GPC5: variants seen among roughly 807,000 people sequenced by gnomAD.
GPC5 encodes glypican-5.
In GPC5, 47 loss-of-function variants were observed where a neutral mutation model predicts 53.9. The observed-to-expected ratio is 0.87, with a 90% CI of 0.69 to 1.11. The LOEUF (loss-of-function observed/expected upper bound fraction) is 1.11, where lower values mean the gene tolerates loss of function less well. Among genes scored for constraint, GPC5 ranks in the 50% most tolerant of loss-of-function variants. The pLI, the probability that GPC5 is intolerant of heterozygous loss-of-function variation, is 0.00. For missense variants in GPC5, 748 were observed against 713.1 expected (o/e 1.05, Z -0.56); for synonymous variants, 286 against 263.3 (o/e 1.09, Z -0.84).
At chr13:91,836,067 T>C (rs1294535166) in intron 5 of GPC5, among the ~76,000 whole-genome samples, 1 of 151,958 alleles carries the variant, frequency 6.6e-6, no homozygotes, top group Non-Finnish European at 1.5e-5. Flanking sequence ...TGTGATGGTG[T>C]GGGGGAATGA....
intron 5 of GPC5, among the ~76,000 whole-genome samples, chr13:91,799,539 A>G (rs1246615377): frequency 3.4e-5 from 5 of 148,048 alleles, no homozygotes; most frequent in Non-Finnish European, 4.4e-5. Context: ...TTACCTCTCA[A>G]TGCATATGAT....
intron 2 of GPC5, among the ~76,000 whole-genome samples, chr13:91,568,413 T>G (rs933116231): frequency 1.3e-5 from 2 of 152,188 alleles, no homozygotes; most frequent in African/African-American, 4.8e-5. Context: ...CTTCAGTAGA[T>G]CAGCAGTTGC....
At chr13:92,864,784 AAT>A (rs749870115) in intron 7 of GPC5, among the ~76,000 whole-genome samples, 4 of 152,278 alleles carry the variant, frequency 2.6e-5, no homozygotes, top group East Asian at 3.9e-4. Context: ...CTGTAAAATC[AAT>A]ATGTCAGATC....
intron 7 of GPC5, chr13:92,721,462 T>C (rs555922116): frequency 2.6e-5 from 4 of 152,208 alleles, no homozygotes; most frequent in African/African-American, 4.8e-5. Flanking sequence ...ATGATCATTA[T>C]TGCAGGCTAA....
intron 2 of GPC5, among the ~76,000 whole-genome samples, chr13:91,596,584 G>C (rs372884558): frequency 6.6e-6 from 1 of 152,044 alleles, no homozygotes; most frequent in African/African-American, 2.4e-5. Flanking sequence ...AGGGTGCTGG[G>C]TTATTTTATA....
chr13:91,766,765 C>A (rs180724676), intron 5 of GPC5, among the ~76,000 whole-genome samples: 7 of 152,070 alleles, frequency 4.6e-5, no homozygotes, highest in Non-Finnish European at 8.8e-5. Flanking sequence ...GTGGCTGAGG[C>A]AGGAAAATTG....
chr13:92,323,983 G>T (rs954408861), intron 7 of GPC5, among the ~76,000 whole-genome samples: 2 of 151,814 alleles, frequency 1.3e-5, no homozygotes, highest in South Asian at 4.1e-4. Flanking sequence ...TGTATTGTGT[G>T]TTCTATGTTG....
chr13:92,026,242 A>G (rs1408909044), intron 6 of GPC5, among the ~76,000 whole-genome samples: 4 of 152,072 alleles, frequency 2.6e-5, no homozygotes, highest in African/African-American at 7.2e-5. Flanking sequence ...TATGCAAATT[A>G]TTAATAATGT....
chr13:92,217,927 T>G lies in GPC5; in HGVS notation c.1561+72938T>G, dbSNP rs2042422688. Among the ~76,000 whole-genome samples, 4 of 145,192 alleles carry G rather than the reference T, an allele frequency of 2.8e-5. No individual in the cohort carries two copies. In the South Asian group the frequency reaches 8.9e-4, roughly 32 times the overall value. On this transcript the variant is annotated intron_variant, in intron 7 of 7. Transcript: ENST00000377067. ...TTATTTCTACTTTTTTTTTTTTTTT[T>G]TTTTTTTTTAGGCAGGGTCACACTC... is the stretch of plus-strand genomic sequence containing the variant.
intron 2 of GPC5, among the ~76,000 whole-genome samples, chr13:91,519,238 C>T (rs1885673343): frequency 6.6e-6 from 1 of 152,176 alleles, no homozygotes; most frequent in Non-Finnish European, 1.5e-5. Flanking sequence ...GTTATCCCTG[C>T]ACCAGTGGGA....
intron 3 of GPC5, among the ~76,000 whole-genome samples, chr13:91,718,981 G>A (rs1167666079): frequency 1.3e-5 from 2 of 152,026 alleles, no homozygotes; most frequent in Non-Finnish European, 1.5e-5. Flanking sequence ...AGAAATTAGA[G>A]GGCAAAATGT....
In GPC5 at chr13:91,516,995, G is replaced by A. The variant is rs563442456; in HGVS notation, c.325+68073G>A. On this transcript the variant is annotated intron_variant, in intron 2 of 7. Coordinates refer to ENST00000377067, the MANE Select transcript of GPC5 (RefSeq NM_004466.6). Reference sequence around the variant, plus strand: ...TAAGTCTCTAGGCTGCACACAACATGGGGACCCTGGATCTGGCCCATGAAA... The same window carrying A: ...TAAGTCTCTAGGCTGCACACAACATAGGGACCCTGGATCTGGCCCATGAAA... 3.2e-4 allele frequency among the ~76,000 whole-genome samples: 48 copies of A among 152,234 alleles called. No homozygotes were observed. In the South Asian group the frequency reaches 9.8e-3, roughly 31 times the overall value.
intron 6 of GPC5, among the ~76,000 whole-genome samples, chr13:91,943,349 CT>C (rs879770113): frequency 0.024 from 3,472 of 145,066 alleles, 106 homozygotes; most frequent in African/African-American, 0.077. Context: ...TTCACTGAAG[CT>C]TTTTTTTTTT....
At chr13:92,795,763 G>C (rs1876653331) in intron 7 of GPC5, among the ~76,000 whole-genome samples, 1 of 152,140 alleles carries the variant, frequency 6.6e-6, no homozygotes, top group African/African-American at 2.4e-5. Context: ...ATGAAAAAAT[G>C]CTCATCATCA....
chr13:91,432,205 G>GCTGCTGC (rs140790450), intron 1 of GPC5, among the ~76,000 whole-genome samples: 3 of 119,558 alleles, frequency 2.5e-5, no homozygotes, highest in Admixed American at 8.5e-5. Flanking sequence ...TGCTGCTGCT[G>GCTGCTGC]TGTGTGTGTG....
At chr13:92,103,705 G>A (rs1388232542) in intron 6 of GPC5, among the ~76,000 whole-genome samples, 1 of 152,134 alleles carries the variant, frequency 6.6e-6, no homozygotes, top group Non-Finnish European at 1.5e-5. Context: ...AACTCTCTCG[G>A]CATTTAGCAA....
intron 6 of GPC5, among the ~76,000 whole-genome samples, chr13:91,965,551 A>G (rs75925615): frequency 0.019 from 2,829 of 152,272 alleles, 88 homozygotes; most frequent in African/African-American, 0.065. Context: ...AGATTCATTT[A>G]AAGAAGAAAA....
At chr13:92,174,275 G>A (rs570070230) in intron 7 of GPC5, among the ~76,000 whole-genome samples, 12 of 150,338 alleles carry the variant, frequency 8.0e-5, no homozygotes, top group East Asian at 2.0e-4. Flanking sequence ...TGATTCCAGC[G>A]CTTTGGGAGG....
chr13:91,843,901 G>C (rs1409167704), intron 5 of GPC5, among the ~76,000 whole-genome samples: 1 of 152,186 alleles, frequency 6.6e-6, no homozygotes, highest in Non-Finnish European at 1.5e-5. Flanking sequence ...AGATGAATGT[G>C]AACACCAAGC....
Sources: allele counts gnomAD v4.1 joint callset (sites outside exome capture counted in the v4.1 genomes callset), GRCh38; gene constraint gnomAD v4.1.1; transcripts MANE v1.5; gene names NCBI Gene and HGNC (gene_info 2026-07-23, HGNC 2026-07-21).